Variants in RBFOX1 observed in about 807,000 individuals in gnomAD.
The protein encoded by RBFOX1 is RNA binding protein fox-1 homolog 1.
In RBFOX1, 8 loss-of-function variants were observed where a neutral mutation model predicts 57.7. That is an observed-to-expected ratio of 0.14 (90% CI 0.08 to 0.25). The LOEUF is 0.25. RBFOX1 is among the 10% of genes least tolerant of loss of function. The probability of loss-of-function intolerance (pLI) is 1.00; values close to 1 mark genes in which losing one functional copy is unlikely to be tolerated. For synonymous variants in RBFOX1, 326 were observed against 222.4 expected, an observed-to-expected ratio of 1.47 and a Z score of -4.15; for missense variants, 611 against 548.5, an observed-to-expected ratio of 1.11 and a Z score of -1.14.
chr16:7,289,602 C>T (rs761284968), intron 4 of RBFOX1, among the ~76,000 whole-genome samples: 2 of 152,106 alleles, frequency 1.3e-5, no homozygotes, highest in Non-Finnish European at 2.9e-5. Flanking sequence ...CCATCACTTT[C>T]ATCATAGTCA....
intron 4 of RBFOX1, among the ~76,000 whole-genome samples, chr16:7,071,095 C>T (rs529777122): frequency 5.3e-5 from 8 of 152,216 alleles, no homozygotes; most frequent in African/African-American, 1.4e-4. Flanking sequence ...AAGGAGGGTC[C>T]CATCTGGCTT....
chr16:6,633,043 T>G (rs761401171), intron 2 of RBFOX1, among the ~76,000 whole-genome samples: 3 of 152,152 alleles, frequency 2.0e-5, no homozygotes, highest in Non-Finnish European at 4.4e-5. Flanking sequence ...TGATGTGTTT[T>G]CCTGGAGTTG....
At chr16:6,611,804 G>C (rs1361484632) in intron 2 of RBFOX1, among the ~76,000 whole-genome samples, 2 of 152,076 alleles carry the variant, frequency 1.3e-5, no homozygotes, top group Admixed American at 1.3e-4. Flanking sequence ...AAGGCACCCT[G>C]AGTCCTCCCT....
At chr16:5,856,603 A>ATG (rs2057077714) in intron 3 of RBFOX1, among the ~76,000 whole-genome samples, 1 of 110,676 alleles carries the variant, frequency 9.0e-6, no homozygotes, top group African/African-American at 3.2e-5. Context: ...ATATATATAT[A>ATG]TAATCTTAGC....
At chr16:7,492,697 T>C (rs1400411757) in intron 4 of RBFOX1, among the ~76,000 whole-genome samples, 1 of 152,014 alleles carries the variant, frequency 6.6e-6, no homozygotes, top group Non-Finnish European at 1.5e-5. Context: ...TGCCATACCC[T>C]TGGTGGTAGT....
intron 3 of RBFOX1, among the ~76,000 whole-genome samples, chr16:7,038,889 G>A (rs34971746): frequency 0.096 from 14,615 of 152,160 alleles, 1,139 homozygotes; most frequent in East Asian, 0.32. Flanking sequence ...ATTAAAACGT[G>A]TAATTTGAGG....
intron 1 of RBFOX1, among the ~76,000 whole-genome samples, chr16:5,304,041 T>A (rs573276551): frequency 1.1e-4 from 16 of 152,326 alleles, no homozygotes; most frequent in African/African-American, 3.8e-4. Context: ...AATTTTTCAT[T>A]TCCATTTGAA....
chr16:7,046,641 C>G (rs187920135), intron 3 of RBFOX1, among the ~76,000 whole-genome samples: 2 of 116,254 alleles, frequency 1.7e-5, no homozygotes, highest in African/African-American at 3.4e-5. Flanking sequence ...TTGGGGAGTA[C>G]AGAGTCTCAG....
At chr16:5,685,512 C>T (rs1185043278) in intron 3 of RBFOX1, among the ~76,000 whole-genome samples, 1 of 152,200 alleles carries the variant, frequency 6.6e-6, no homozygotes, top group Non-Finnish European at 1.5e-5. Context: ...GTGGCTCATT[C>T]ATTAAGTTAT....
In RBFOX1 at chr16:7,178,105, C is replaced by G. The variant is rs533060633; in HGVS notation, c.27+126007C>G. ...GGATATGCTGCTGTTACAAATAACC[C>G]CCAGGATGTCAGTGACAGCAGCAGC... On this transcript the variant is annotated intron_variant, in intron 4 of 15. Coordinates refer to ENST00000550418, the MANE Select transcript of RBFOX1 (RefSeq NM_018723.4). Among the ~76,000 whole-genome samples the G allele has an allele frequency of 5.9e-5, 9 of 152,236 alleles. No individual in the cohort carries two copies. The East Asian group carries it at 1.7e-3, about 29-fold the overall frequency.
intron 4 of RBFOX1, among the ~76,000 whole-genome samples, chr16:5,978,169 C>G (rs1156837805): frequency 3.7e-5 from 4 of 108,674 alleles, no homozygotes; most frequent in Non-Finnish European, 7.1e-5. Flanking sequence ...AAAGCAAGAG[C>G]CAGGTGTGGT....
At chr16:6,572,517 G>A (rs532307143) in intron 2 of RBFOX1, among the ~76,000 whole-genome samples, 3 of 151,980 alleles carry the variant, frequency 2.0e-5, no homozygotes, top group Admixed American at 6.6e-5. Flanking sequence ...ATTATTTAGC[G>A]TGAACCGTAG....
chr16:7,129,254 C>G (rs1279325736), intron 4 of RBFOX1, among the ~76,000 whole-genome samples: 1 of 151,982 alleles, frequency 6.6e-6, no homozygotes, highest in Admixed American at 6.6e-5. Flanking sequence ...GGATAGTAAC[C>G]CCACAATTGA....
At chr16:6,064,104 C>T (rs1199286582) in intron 1 of RBFOX1, among the ~76,000 whole-genome samples, 1 of 152,068 alleles carries the variant, frequency 6.6e-6, no homozygotes, top group Non-Finnish European at 1.5e-5. Context: ...GTCAGTACTA[C>T]CAATTAATAA....
chr16:5,293,376 C>G (rs1258154793), intron 1 of RBFOX1, among the ~76,000 whole-genome samples: 1 of 152,156 alleles, frequency 6.6e-6, no homozygotes, highest in Non-Finnish European at 1.5e-5. Flanking sequence ...TAGGCATCCA[C>G]AAATAGTCAT....
intron 3 of RBFOX1, among the ~76,000 whole-genome samples, chr16:5,809,548 A>G (rs2055347668): frequency 6.6e-6 from 1 of 152,258 alleles, no homozygotes; most frequent in African/African-American, 2.4e-5. Flanking sequence ...GAAGACATTT[A>G]TGCAGCCAAA....
intron 3 of RBFOX1, among the ~76,000 whole-genome samples, chr16:6,795,680 C>T (rs969043627): frequency 2.0e-4 from 30 of 151,586 alleles, no homozygotes; most frequent in South Asian, 4.2e-4. Flanking sequence ...GCAGGAGAAT[C>T]GCTTGAAACC....
At chr16:6,798,970 G>T (rs2084735462) in intron 3 of RBFOX1, among the ~76,000 whole-genome samples, 1 of 152,100 alleles carries the variant, frequency 6.6e-6, no homozygotes, top group Non-Finnish European at 1.5e-5. Context: ...ACATCTTGGG[G>T]TAGGAGGGGA....
rs77225641 is a variant in RBFOX1 at position 6,945,165 on chromosome 16, A to T, written c.-15-106892A>T. 2.0e-3 allele frequency among the ~76,000 whole-genome samples: 307 copies of T among 152,242 alleles called. 1 individual carries two copies. The highest frequency in any genetic ancestry group is 6.7e-3 in the African/African-American group (278 of 41,540). ...GTACATAGGGATGAGAGTATGGGGAAAAAAGGGCTGTGACCTCAGACTGCT... is the reference window on the plus strand; with the variant it reads ...GTACATAGGGATGAGAGTATGGGGATAAAAGGGCTGTGACCTCAGACTGCT... On this transcript the variant is annotated intron_variant, in intron 3 of 15. Coordinates refer to ENST00000550418, the MANE Select transcript of RBFOX1 (RefSeq NM_018723.4).
Sources: gnomAD v4.1 joint callset for allele counts (sites outside exome capture counted in the v4.1 genomes callset) on GRCh38, gnomAD v4.1.1 for gene constraint, MANE v1.5 for transcripts, NCBI Gene and HGNC (gene_info 2026-07-23, HGNC 2026-07-21) for gene names.